NNT: variants seen among roughly 807,000 people sequenced by gnomAD.
NNT encodes the protein nicotinamide nucleotide transhydrogenase.
A neutral mutation model predicts 104.8 loss-of-function variants in NNT; 50 were observed. That is an observed-to-expected ratio of 0.48 (90% confidence interval 0.38 to 0.60). The LOEUF is 0.60. Ranked by LOEUF, NNT falls within the 20% of genes least tolerant of loss-of-function variation. The pLI, the probability that NNT is intolerant of heterozygous loss-of-function variation, is 0.00. For missense variants in NNT, 1,131 were observed against 1,330.7 expected, an observed-to-expected ratio of 0.85 and a Z score of 2.33; for synonymous variants, 461 against 490.4, an observed-to-expected ratio of 0.94 and a Z score of 0.79.
At chr5:43,637,168 C>T (rs1411383494) in intron 7 of NNT, among the ~76,000 whole-genome samples, 1 of 152,070 alleles carries the variant, frequency 6.6e-6, no homozygotes, top group African/African-American at 2.4e-5. Flanking sequence ...GGCTCATGAA[C>T]ACAGCTTTCA....
intron 1 of NNT, among the ~76,000 whole-genome samples, chr5:43,605,372 C>T (rs888888768): frequency 1.3e-5 from 2 of 150,492 alleles, no homozygotes; most frequent in Non-Finnish European, 3.0e-5. Flanking sequence ...AAAAATTAGC[C>T]GGGCGCGGTG....
intron 21 of NNT, 109 bp downstream of exon 21, chr5:43,702,845 C>CAT: frequency 2.7e-6 from 2 of 743,404 alleles, no homozygotes; most frequent in Non-Finnish European, 4.2e-6. Flanking sequence ...TTCTAGGAGG[C>CAT]CAGGAGTAAG....
intron 7 of NNT, among the ~76,000 whole-genome samples, chr5:43,633,224 C>A (rs1250280832): frequency 6.6e-6 from 1 of 152,132 alleles, no homozygotes; most frequent in Non-Finnish European, 1.5e-5. Context: ...GGATCATAGT[C>A]TCCCACTCCC....
rs1396491225 is a variant in NNT at position 43,612,906 on chromosome 5, AG to A, written c.152del. 6.3e-7 allele frequency: 1 copy of A among 1,593,458 alleles called. No homozygotes were observed. Among genetic ancestry groups the A allele is most frequent in the Admixed American group, 1.7e-5 (1 of 59,150 alleles). ...ATTTTTTTTGCCTTTGCTTGTTTCTAGGAATTCCATATAAGCAACTGACTGT... is the reference window on the plus strand; with the variant it reads ...ATTTTTTTTGCCTTTGCTTGTTTCTAGAATTCCATATAAGCAACTGACTGT... On this transcript the variant is annotated splice_acceptor_variant, in intron 2 of 21. Coordinates refer to ENST00000344920, the MANE Select transcript of NNT (RefSeq NM_182977.3). LOFTEE classifies it high-confidence loss of function.
rs1743018575 is a variant in NNT, at chr5:43,704,524, A to G, written c.*120A>G. 3 of 1,073,452 alleles carry G rather than the reference A, an allele frequency of 2.8e-6. No homozygotes were observed. The highest frequency in any genetic ancestry group is 1.7e-5 in the African/African-American group (1 of 60,256). 66.5% of individuals were successfully genotyped at this position (1,073,452 alleles called of 1,614,324 possible). On this transcript the variant is annotated 3_prime_UTR_variant, in exon 22 of 22. Coordinates refer to ENST00000344920, the MANE Select transcript of NNT (RefSeq NM_182977.3). Reference sequence around the variant, plus strand: ...AGCAAAGCTCTTGGAGAAAATGAAGACTGAAGAAAGCAAAGCAAAAACTGT... The same window carrying G: ...AGCAAAGCTCTTGGAGAAAATGAAGGCTGAAGAAAGCAAAGCAAAAACTGT...
At chr5:43,635,273 A>G (rs1467086195) in intron 7 of NNT, among the ~76,000 whole-genome samples, 2 of 152,130 alleles carry the variant, frequency 1.3e-5, no homozygotes, top group Non-Finnish European at 2.9e-5. Context: ...TCTTTTTCAT[A>G]TGGTCATTTG....
At chr5:43,628,469 A>G (rs1561274261) in intron 7 of NNT, 82 bp downstream of exon 7, 1 of 1,081,026 alleles carries the variant, frequency 9.3e-7, no homozygotes, top group South Asian at 1.9e-5. Context: ...TGATTGCTTA[A>G]CATTTGAATT....
intron 4 of NNT, 150 bp downstream of exon 4, chr5:43,616,215 AT>A: frequency 3.0e-6 from 2 of 665,030 alleles, no homozygotes; most frequent in South Asian, 2.2e-5. Flanking sequence ...TTTTTGACTC[AT>A]TTTATTGTTT....
intron 19 of NNT, among the ~76,000 whole-genome samples, chr5:43,681,606 G>C (rs113365420): frequency 0.011 from 1,745 of 152,104 alleles, 20 homozygotes; most frequent in African/African-American, 0.04. Context: ...CGCCACGTTG[G>C]CCAGGCTGGT....
At chr5:43,646,464 A>ATT (rs373535709) in intron 10 of NNT, among the ~76,000 whole-genome samples, 11 of 136,314 alleles carry the variant, frequency 8.1e-5, no homozygotes, top group Non-Finnish European at 8.0e-5. Context: ...TAATTTTTGT[A>ATT]TTTTTTTTTT....
At chr5:43,650,372 AG>A (rs1477822715) in intron 11 of NNT, 104 bp from the exon 12 acceptor site, 1 of 730,158 alleles carries the variant, frequency 1.4e-6, no homozygotes, top group East Asian at 2.6e-5. Context: ...TTTAATATTG[AG>A]AACTTTACCC....
intron 14 of NNT, among the ~76,000 whole-genome samples, chr5:43,655,292 G>A (rs1214952657): frequency 6.6e-6 from 1 of 152,192 alleles, no homozygotes; most frequent in Admixed American, 6.5e-5. Context: ...GTTCATTGGA[G>A]TTGGGTCGTG....
rs1353857489 is a variant in NNT, at chr5:43,704,387, G to T, written c.3244G>T (p.Glu1082Ter). ...TGACGCGCTCCAGGCGAAAGTTAGA[G>T]AATCCTATCAGAAGTAAATATTAAG... ...TCDALQAKVR[E>*]SYQK Residue 1082 changes from glutamate (E) to a stop codon, truncating the protein, a stop_gained, in exon 22 of 22, where the codon GAA (glutamate) becomes TAA (stop). Transcript: ENST00000344920. LOFTEE classifies it high-confidence loss of function. 7.4e-6 allele frequency: 12 copies of T among 1,613,508 alleles called. No individual in the cohort carries two copies. The highest frequency in any genetic ancestry group is 4.0e-5 in the African/African-American group (3 of 74,884).
chr5:43,644,589 G>T (rs1408053945), intron 8 of NNT, 22 bp from the exon 9 acceptor site: 4 of 1,582,982 alleles, frequency 2.5e-6, no homozygotes, highest in Admixed American at 1.9e-5. Flanking sequence ...AGACCTTTTT[G>T]ACTATAATTT....
intron 19 of NNT, among the ~76,000 whole-genome samples, chr5:43,692,170 C>A (rs113011729): frequency 2.3e-3 from 353 of 151,410 alleles, no homozygotes; most frequent in African/African-American, 8.2e-3. Context: ...ACGTAGTTAT[C>A]AAATAAAGCA....
intron 18 of NNT, among the ~76,000 whole-genome samples, chr5:43,676,258 G>T (rs1741409922): frequency 6.6e-6 from 1 of 152,122 alleles, no homozygotes; most frequent in African/African-American, 2.4e-5. Context: ...TTTTAGCTCA[G>T]TTCTTCTTCA....
chr5:43,649,220 C>T lies in NNT; in HGVS notation c.1518C>T (p.Gly506=), dbSNP rs1335302209. 1.9e-6 allele frequency: 3 copies of T among 1,614,050 alleles called. No homozygotes were observed. The highest frequency in any genetic ancestry group is 2.2e-5 in the East Asian group (1 of 44,886). ...LAFSQMVTTF[G]LAGIVGYHTV... Reference sequence around the variant, plus strand: ...TTTCTCAGATGGTGACCACTTTTGGCTTGGCTGGCATTGTGGGGTATCATA... The same window carrying T: ...TTTCTCAGATGGTGACCACTTTTGGTTTGGCTGGCATTGTGGGGTATCATA... The change falls in exon 11 of 22, where the codon GGC becomes GGT. Residue 506 remains glycine (G), a synonymous_variant. Coordinates refer to ENST00000344920, the MANE Select transcript of NNT (RefSeq NM_182977.3).
chr5:43,688,062 A>G (rs1742074601), intron 19 of NNT, among the ~76,000 whole-genome samples: 1 of 152,220 alleles, frequency 6.6e-6, no homozygotes, highest in African/African-American at 2.4e-5. Context: ...ACTGAATTTC[A>G]GGACTGGAGA....
intron 15 of NNT, 90 bp from the exon 16 acceptor site, chr5:43,656,563 A>C: frequency 2.5e-6 from 3 of 1,193,856 alleles, no homozygotes; most frequent in African/African-American, 1.5e-5. Context: ...ATCCTTGGTT[A>C]GAGATGACTG....
Sources: gnomAD v4.1 joint callset for allele counts (sites outside exome capture counted in the v4.1 genomes callset) on GRCh38, gnomAD v4.1.1 for gene constraint, MANE v1.5 for transcripts, NCBI Gene and HGNC (gene_info 2026-07-23, HGNC 2026-07-21) for gene names.